EPHB1: variants seen among roughly 807,000 people sequenced by gnomAD.
The protein encoded by EPHB1 is ephrin type-B receptor 1.
EPHB1 carries 30 observed loss-of-function variants against 94.4 expected under a neutral mutation model. That is an observed-to-expected ratio of 0.32 (90% confidence interval 0.24 to 0.43). EPHB1 has a LOEUF of 0.43. EPHB1 is among the 20% of genes least tolerant of loss of function. The pLI is 1.00. For synonymous variants in EPHB1, 522 were observed against 489.1 expected, an observed-to-expected ratio of 1.07 and a Z score of -0.89; for missense variants, 1,055 against 1,308.3, an observed-to-expected ratio of 0.81 and a Z score of 2.99.
intron 2 of EPHB1, among the ~76,000 whole-genome samples, chr3:134,945,939 T>A (rs73861888): frequency 6.6e-6 from 1 of 152,192 alleles, no homozygotes; most frequent in African/African-American, 2.4e-5. Context: ...AAATTCCCCC[T>A]TTTTTAAGAA....
chr3:135,152,768 G>A (rs1464564965), intron 5 of EPHB1, among the ~76,000 whole-genome samples: 1 of 152,160 alleles, frequency 6.6e-6, no homozygotes, highest in Non-Finnish European at 1.5e-5. Flanking sequence ...TTGGCTGGGA[G>A]CAGCCTGTGG....
chr3:134,897,485 G>T (rs1411107581), intron 1 of EPHB1, among the ~76,000 whole-genome samples: 1 of 152,160 alleles, frequency 6.6e-6, no homozygotes, highest in Non-Finnish European at 1.5e-5. Flanking sequence ...CACATCACAG[G>T]TGTGTTCGAT....
chr3:135,125,327 A>AC (rs1485773345), intron 4 of EPHB1, among the ~76,000 whole-genome samples: 1 of 151,482 alleles, frequency 6.6e-6, no homozygotes, highest in Non-Finnish European at 1.5e-5. Context: ...CTTTAGAAGC[A>AC]CCCCCACTGT....
intron 3 of EPHB1, among the ~76,000 whole-genome samples, chr3:135,020,654 T>C (rs1299038174): frequency 6.6e-6 from 1 of 152,228 alleles, no homozygotes; most frequent in African/African-American, 2.4e-5. Flanking sequence ...AATTTTTATG[T>C]ATTGACTGTT....
At chr3:134,807,754 C>T (rs1321041713) in intron 1 of EPHB1, among the ~76,000 whole-genome samples, 1 of 151,976 alleles carries the variant, frequency 6.6e-6, no homozygotes, top group African/African-American at 2.4e-5. Flanking sequence ...GTGTGAACAA[C>T]ATTAAGGGAA....
intron 3 of EPHB1, among the ~76,000 whole-genome samples, chr3:135,000,429 G>A (rs1189018482): frequency 6.6e-6 from 1 of 152,228 alleles, no homozygotes; most frequent in Non-Finnish European, 1.5e-5. Flanking sequence ...CCATTTAAAT[G>A]AGAGGCAGAG....
At position 134,795,666 on chromosome 3, in the gene EPHB1, C is replaced by T. The variant is rs776344329; in HGVS notation, c.35C>T (p.Ala12Val). The T allele has an allele frequency of 3.6e-5, 58 of 1,609,676 alleles. No homozygotes were observed. In the Admixed American group the frequency reaches 9.5e-4, roughly 26 times the overall value. The part of the protein sequence containing the change: ...ALDYLLLLLL[A>V]SAVAAMEETL... ...GATTATCTACTACTGCTCCTCCTGG[C>T]ATCCGCAGTGGCTGCGATGGAAGGT... Residue 12 changes from alanine (A) to valine (V), a missense_variant, in exon 1 of 16, where the codon GCA becomes GTA. Ala to Val is a moderately conservative substitution (Grantham distance 64). Transcript: ENST00000398015.
At chr3:134,971,272 C>T (rs1378002248) in intron 3 of EPHB1, among the ~76,000 whole-genome samples, 1 of 152,190 alleles carries the variant, frequency 6.6e-6, no homozygotes, top group Non-Finnish European at 1.5e-5. Context: ...TTAGTGGATT[C>T]TTGTTCTCTG....
intron 1 of EPHB1, among the ~76,000 whole-genome samples, chr3:134,858,469 G>T (rs2037173368): frequency 6.6e-6 from 1 of 152,128 alleles, no homozygotes; most frequent in African/African-American, 2.4e-5. Context: ...CTCATTGATG[G>T]CTGGCATGTT....
intron 1 of EPHB1, among the ~76,000 whole-genome samples, chr3:134,796,941 A>G (rs2035841826): frequency 6.6e-6 from 1 of 152,168 alleles, no homozygotes; most frequent in African/African-American, 2.4e-5. Flanking sequence ...AACTCCCCCA[A>G]ACACGATGGT....
intron 14 of EPHB1, among the ~76,000 whole-genome samples, chr3:135,249,066 C>T (rs141994697): frequency 1.4e-4 from 21 of 152,288 alleles, no homozygotes; most frequent in African/African-American, 4.6e-4. Flanking sequence ...GGGAGCCTTC[C>T]GTTCCCTTCA....
chr3:135,059,617 G>C (rs1937438270), intron 3 of EPHB1, among the ~76,000 whole-genome samples: 1 of 152,140 alleles, frequency 6.6e-6, no homozygotes. Context: ...GACTGTGATG[G>C]GTACAGGGTT....
At chr3:135,169,522 C>A (rs746226100) in intron 9 of EPHB1, among the ~76,000 whole-genome samples, 10 of 152,218 alleles carry the variant, frequency 6.6e-5, no homozygotes, top group Non-Finnish European at 1.2e-4. Context: ...TGTGCGTTTA[C>A]TCCTGTGAAT....
At chr3:135,095,644 G>A (rs1018027244) in intron 3 of EPHB1, among the ~76,000 whole-genome samples, 9 of 152,066 alleles carry the variant, frequency 5.9e-5, no homozygotes, top group African/African-American at 1.4e-4. Flanking sequence ...CCCTCCAAGC[G>A]CTCAGCCTCC....
At chr3:134,999,750 G>T (rs1935115845) in intron 3 of EPHB1, among the ~76,000 whole-genome samples, 1 of 152,182 alleles carries the variant, frequency 6.6e-6, no homozygotes, top group East Asian at 1.9e-4. Context: ...ATGTTATGGG[G>T]CAGTACTACC....
intron 1 of EPHB1, among the ~76,000 whole-genome samples, chr3:134,915,787 G>A (rs1328911427): frequency 1.3e-5 from 2 of 152,190 alleles, no homozygotes; most frequent in Non-Finnish European, 2.9e-5. Context: ...CATGAGTGAA[G>A]CTGCAGACCT....
intron 3 of EPHB1, among the ~76,000 whole-genome samples, chr3:135,047,833 G>A (rs1384360246): frequency 6.6e-6 from 1 of 151,766 alleles, no homozygotes; most frequent in African/African-American, 2.4e-5. Context: ...GTCAAAACTG[G>A]AGAGTATATT....
chr3:135,004,652 T>G lies in EPHB1; in HGVS notation c.805+52600T>G, dbSNP rs940187601. Among the ~76,000 whole-genome samples the G allele has an allele frequency of 7.9e-3, 1,203 of 151,860 alleles. 18 individuals carry two copies. The highest frequency in any genetic ancestry group is 0.027 in the African/African-American group (1,113 of 41,342). ...GTCCCATATTTCTTGGAGGCTTTGC[T>G]CGTTTCTTTTTATTCTTTTTTCTCT... is the stretch of plus-strand genomic sequence containing the variant. On this transcript the variant is annotated intron_variant, in intron 3 of 15. Coordinates refer to ENST00000398015, the MANE Select transcript of EPHB1 (RefSeq NM_004441.5).
chr3:134,837,682 A>G (rs2036697640), intron 1 of EPHB1, among the ~76,000 whole-genome samples: 1 of 152,220 alleles, frequency 6.6e-6, no homozygotes, highest in South Asian at 2.1e-4. Flanking sequence ...CTAGAAAGGC[A>G]TGGTTTGCCA....
Sources: allele counts gnomAD v4.1 joint callset (sites outside exome capture counted in the v4.1 genomes callset), GRCh38; gene constraint gnomAD v4.1.1; transcripts MANE v1.5; gene names NCBI Gene and HGNC (gene_info 2026-07-23, HGNC 2026-07-21).